Variants in ABCA13 observed in about 807,000 individuals in gnomAD.
ABCA13 encodes ATP-binding cassette sub-family A member 13.
In ABCA13, 476 loss-of-function variants were observed where a neutral mutation model predicts 478.7. The observed-to-expected ratio is 0.99, with a 90% CI of 0.92 to 1.07. The LOEUF is 1.07. Among genes scored for constraint, ABCA13 ranks in the 50% least tolerant of loss-of-function variants. The pLI is 0.00. For synonymous variants in ABCA13, 2,252 were observed against 2,158.9 expected, an observed-to-expected ratio of 1.04 and a Z score of -1.20; for missense variants, 6,060 against 5,910.6, an observed-to-expected ratio of 1.03 and a Z score of -0.83.
At chr7:48,365,808 T>C (rs1349838956) in intron 31 of ABCA13, among the ~76,000 whole-genome samples, 1 of 152,164 alleles carries the variant, frequency 6.6e-6, no homozygotes, top group Non-Finnish European at 1.5e-5. Flanking sequence ...GTGAAAGATA[T>C]CTACAAAGAA....
chr7:48,196,878 G>T (rs1046676417), intron 2 of ABCA13, among the ~76,000 whole-genome samples: 5 of 152,150 alleles, frequency 3.3e-5, no homozygotes, highest in Non-Finnish European at 7.4e-5. Context: ...GGAAGAGCTG[G>T]CCCCGTTCTT....
Position 48,550,779 on chromosome 7 carries a change from T to G in ABCA13, c.14354+22434T>G, listed in dbSNP as rs988788318. On this transcript the variant is annotated intron_variant, in intron 55 of 61. Coordinates refer to ENST00000435803, the MANE Select transcript of ABCA13 (RefSeq NM_152701.5). The stretch of plus-strand genomic sequence containing the variant: ...TCCGTCCATCCATCCATCCATCTGC[T>G]TGGCAGACCTGCACAGGTCATCCAT... Among the ~76,000 whole-genome samples the G allele has an allele frequency of 2.2e-4, 33 of 151,234 alleles. 1 individual carries two copies. The highest frequency in any genetic ancestry group is 7.8e-4 in the African/African-American group (32 of 41,258).
At chr7:48,378,782 A>G (rs2129039797) in intron 35 of ABCA13, among the ~76,000 whole-genome samples, 1 of 152,354 alleles carries the variant, frequency 6.6e-6, no homozygotes, top group African/African-American at 2.4e-5. Context: ...TTAAGTTCAC[A>G]CGGATGTACC....
intron 44 of ABCA13, among the ~76,000 whole-genome samples, chr7:48,470,990 G>A (rs917847534): frequency 7.9e-5 from 12 of 152,182 alleles, no homozygotes; most frequent in African/African-American, 2.9e-4. Flanking sequence ...AAATAGAAAT[G>A]ATAGGGAAAC....
chr7:48,575,348 T>TTAAA (rs1394127319), intron 55 of ABCA13, among the ~76,000 whole-genome samples: 1 of 152,140 alleles, frequency 6.6e-6, no homozygotes. Flanking sequence ...GACTTAAAGG[T>TTAAA]TAAAATTTTA....
chr7:48,426,654 A>G (rs1425569210), intron 41 of ABCA13, among the ~76,000 whole-genome samples: 2 of 152,182 alleles, frequency 1.3e-5, no homozygotes, highest in African/African-American at 2.4e-5. Flanking sequence ...CAATATCTCT[A>G]TGGATACGTG....
intron 55 of ABCA13, among the ~76,000 whole-genome samples, chr7:48,544,763 T>A (rs1180382707): frequency 6.6e-6 from 1 of 151,748 alleles, no homozygotes; most frequent in African/African-American, 2.4e-5. Flanking sequence ...AAGAAGAGGG[T>A]CATAGGATCC....
intron 4 of ABCA13, 70 bp from the exon 5 acceptor site, chr7:48,221,211 A>T (rs1787314986): frequency 1.3e-6 from 1 of 783,402 alleles, no homozygotes; most frequent in Non-Finnish European, 2.1e-6. Flanking sequence ...TTAGAATTAA[A>T]AGTAGGCATT....
intron 27 of ABCA13, among the ~76,000 whole-genome samples, chr7:48,329,822 T>TATCC: frequency 6.6e-6 from 1 of 151,128 alleles, no homozygotes; most frequent in African/African-American, 2.4e-5. Context: ...TCCACACATC[T>TATCC]ATTCATTCAT....
At chr7:48,481,233 TA>T in intron 46 of ABCA13, 79 bp downstream of exon 46, 1 of 1,215,692 alleles carries the variant, frequency 8.2e-7, no homozygotes, top group Non-Finnish European at 1.2e-6. Flanking sequence ...CTAATGTTCT[TA>T]AAAAGTCAAA....
chr7:48,637,036 C>G (rs1015967778), intron 59 of ABCA13, among the ~76,000 whole-genome samples: 1 of 151,972 alleles, frequency 6.6e-6, no homozygotes, highest in South Asian at 2.1e-4. Flanking sequence ...ATTTGCAAAG[C>G]CTTTGAAAAT....
rs1792457608 is a variant in ABCA13 at position 48,615,313 on chromosome 7, A to G, written c.14773A>G (p.Arg4925Gly). 2 of 1,580,606 alleles carry G rather than the reference A, an allele frequency of 1.3e-6. No individual in the cohort carries two copies. The highest frequency in any genetic ancestry group is 1.2e-5 in the South Asian group (1 of 85,716). ...GGAGGAGTGTGAGGCTCTTTGCACA[A>G]GACTGGCCATAATGGTTAACGGCAG... Reference protein sequence around the residue: ...SMEECEALCTRLAIMVNGSFK... With the variant: ...SMEECEALCTGLAIMVNGSFK... The change falls in exon 59 of 62, where the codon AGA (arginine) becomes GGA (glycine). Residue 4925 changes from arginine (R) to glycine (G), a missense_variant. Physicochemically the swap from Arg to Gly is moderately radical, Grantham distance 125. This residue lies in a region of ABCA13 where 1,627 missense variants were observed against 1,571.0 expected (regional missense o/e 1.04). Transcript: ENST00000435803.
chr7:48,183,845 G>T (rs1172867750), intron 1 of ABCA13, among the ~76,000 whole-genome samples: 1 of 151,672 alleles, frequency 6.6e-6, no homozygotes, highest in Non-Finnish European at 1.5e-5. Flanking sequence ...TTTTTCTTTC[G>T]CAAGTAATGT....
At chr7:48,267,692 A>G (rs1013748846) in intron 15 of ABCA13, among the ~76,000 whole-genome samples, 1 of 152,202 alleles carries the variant, frequency 6.6e-6, no homozygotes, top group Non-Finnish European at 1.5e-5. Context: ...CATCAACCTA[A>G]TAGTATAAAG....
Position 48,279,903 on chromosome 7 carries a change from C to T in ABCA13, c.8709C>T (p.Ile2903=). ...LFVLTKYWQQ[I]PLTDQSVVEI... ...TATTGACTAAATACTGGCAACAAATCCCACTAACAGATCAAAGGTAATTAA... is the reference window on the plus strand; with the variant it reads ...TATTGACTAAATACTGGCAACAAATTCCACTAACAGATCAAAGGTAATTAA... The change falls in exon 18 of 62, where the codon ATC becomes ATT. Residue 2903 remains isoleucine (I), a synonymous_variant. Coordinates refer to ENST00000435803, the MANE Select transcript of ABCA13 (RefSeq NM_152701.5). 1.3e-6 allele frequency: 2 copies of T among 1,519,716 alleles called. No homozygotes were observed. Among genetic ancestry groups the T allele is most frequent in the Non-Finnish European group, 1.8e-6 (2 of 1,138,408 alleles). The allele number at this position is 1,519,716 out of a possible 1,614,324, so 94.1% of individuals were successfully genotyped here.
At chr7:48,454,945 A>G (rs1825482251) in intron 42 of ABCA13, 92 bp from the exon 43 acceptor site, 5 of 1,405,742 alleles carry the variant, frequency 3.6e-6, no homozygotes, top group East Asian at 2.6e-5. Flanking sequence ...TGGCTGCGAG[A>G]TGCCGCAGGG....
At chr7:48,250,256 C>T (rs886128436) in intron 15 of ABCA13, among the ~76,000 whole-genome samples, 6 of 152,180 alleles carry the variant, frequency 3.9e-5, no homozygotes, top group African/African-American at 7.2e-5. Context: ...AACCTATGAG[C>T]ACTCTGAACA....
At chr7:48,525,089 G>A (rs1162844598) in intron 54 of ABCA13, among the ~76,000 whole-genome samples, 1 of 152,096 alleles carries the variant, frequency 6.6e-6, no homozygotes, top group Non-Finnish European at 1.5e-5. Context: ...ATTGTTATCT[G>A]ATTGGTATCT....
intron 31 of ABCA13, 34 bp downstream of exon 31, chr7:48,352,521 A>C: frequency 9.8e-6 from 15 of 1,534,358 alleles, no homozygotes; most frequent in Non-Finnish European, 1.1e-5. Flanking sequence ...ACCGACAGTG[A>C]GAAGGGCCTT....
Sources: allele counts gnomAD v4.1 joint callset (sites outside exome capture counted in the v4.1 genomes callset), GRCh38; gene constraint gnomAD v4.1.1; regional missense constraint gnomAD v4.1.1; transcripts MANE v1.5; gene names NCBI Gene and HGNC (gene_info 2026-07-23, HGNC 2026-07-21).